The following MECOM variants were observed in gnomAD, a reference collection of about 807,000 sequenced individuals.
MECOM encodes histone-lysine N-methyltransferase MECOM.
MECOM carries 13 observed loss-of-function variants against 116.3 expected under a neutral mutation model. The observed-to-expected ratio is 0.11, with a 90% CI of 0.07 to 0.18. The LOEUF is 0.18. Among genes scored for constraint, MECOM ranks in the 10% least tolerant of loss-of-function variants. The pLI, the probability that MECOM is intolerant of heterozygous loss-of-function variation, is 1.00. For missense variants in MECOM, 1,299 were observed against 1,509.0 expected (o/e 0.86, Z 2.31); for synonymous variants, 528 against 535.2 (o/e 0.99, Z 0.19).
intron 1 of MECOM, among the ~76,000 whole-genome samples, chr3:169,395,905 A>G (rs1425836973): frequency 6.6e-6 from 1 of 152,216 alleles, no homozygotes; most frequent in Non-Finnish European, 1.5e-5. Flanking sequence ...TCTGGTACAT[A>G]GCAAAGGTTC....
chr3:169,448,580 A>G (rs116858151), intron 1 of MECOM, among the ~76,000 whole-genome samples: 1 of 152,290 alleles, frequency 6.6e-6, no homozygotes, highest in East Asian at 1.9e-4. Flanking sequence ...ATTATCTTTA[A>G]TCAAATATTT....
At chr3:169,155,547 G>A (rs1741831824) in intron 2 of MECOM, among the ~76,000 whole-genome samples, 1 of 151,970 alleles carries the variant, frequency 6.6e-6, no homozygotes, top group Non-Finnish European at 1.5e-5. Context: ...AAATAACAAA[G>A]TTATAACAAT....
chr3:169,573,689 C>A (rs1218250751), intron 1 of MECOM, among the ~76,000 whole-genome samples: 1 of 151,978 alleles, frequency 6.6e-6, no homozygotes, highest in Non-Finnish European at 1.5e-5. Flanking sequence ...TTTTTTTTAA[C>A]TTTCAAGAAG....
chr3:169,535,245 A>G (rs1049644570), intron 1 of MECOM, among the ~76,000 whole-genome samples: 3 of 152,208 alleles, frequency 2.0e-5, no homozygotes, highest in African/African-American at 7.2e-5. Context: ...ATATGTGAAT[A>G]TTCTATTCCA....
At chr3:169,122,546 T>TA (rs1731380996) in intron 6 of MECOM, 34 bp downstream of exon 6, 1 of 1,612,766 alleles carries the variant, frequency 6.2e-7, no homozygotes, top group African/African-American at 1.3e-5. Context: ...CAGGATGACA[T>TA]AGAGAGGCCA....
At chr3:169,561,090 A>T (rs1019919583) in intron 1 of MECOM, among the ~76,000 whole-genome samples, 31 of 151,938 alleles carry the variant, frequency 2.0e-4, no homozygotes, top group African/African-American at 7.2e-4. Context: ...AATCAGAAAA[A>T]TTTTAATTAA....
At chr3:169,137,808 G>A (rs1026351564) in intron 3 of MECOM, among the ~76,000 whole-genome samples, 3 of 152,032 alleles carry the variant, frequency 2.0e-5, no homozygotes, top group Non-Finnish European at 2.9e-5. Context: ...GTTCTAGTTT[G>A]CATAAATACG....
chr3:169,384,860 T>C (rs1733041433), intron 1 of MECOM, among the ~76,000 whole-genome samples: 1 of 152,074 alleles, frequency 6.6e-6, no homozygotes, highest in Non-Finnish European at 1.5e-5. Flanking sequence ...CCTAGCACTT[T>C]GGGAGGCTGA....
At chr3:169,091,572 T>TAG (rs1719731438) in intron 14 of MECOM, among the ~76,000 whole-genome samples, 1 of 152,132 alleles carries the variant, frequency 6.6e-6, no homozygotes, top group Non-Finnish European at 1.5e-5. Flanking sequence ...TGCTTGTTCT[T>TAG]GCTACTTTGT....
At chr3:169,493,733 A>C (rs1416250062) in intron 1 of MECOM, among the ~76,000 whole-genome samples, 1 of 152,164 alleles carries the variant, frequency 6.6e-6, no homozygotes, top group Non-Finnish European at 1.5e-5. Context: ...TGAATAGGGA[A>C]ATGAGAGAGC....
intron 6 of MECOM, among the ~76,000 whole-genome samples, chr3:169,121,908 G>A (rs1306061248): frequency 1.3e-5 from 2 of 150,248 alleles, no homozygotes; most frequent in African/African-American, 4.9e-5. Context: ...AAAAAAAAAA[G>A]CTATTAAAAT....
intron 1 of MECOM, among the ~76,000 whole-genome samples, chr3:169,538,097 G>T (rs1759607080): frequency 6.6e-6 from 1 of 152,160 alleles, no homozygotes; most frequent in Non-Finnish European, 1.5e-5. Context: ...CACCCCAGTT[G>T]ATTCTAATGT....
intron 1 of MECOM, among the ~76,000 whole-genome samples, chr3:169,538,836 G>C (rs938016161): frequency 3.3e-5 from 5 of 152,120 alleles, no homozygotes; most frequent in African/African-American, 9.7e-5. Flanking sequence ...CCCACCAAAA[G>C]AGCCCTATTC....
chr3:169,591,453 G>A (rs1001890048), intron 1 of MECOM, among the ~76,000 whole-genome samples: 7 of 152,230 alleles, frequency 4.6e-5, no homozygotes, highest in East Asian at 3.9e-4. Flanking sequence ...GCACCAAGCC[G>A]AGAGAGAAAG....
At chr3:169,134,263 T>C (rs1735693685) in intron 3 of MECOM, among the ~76,000 whole-genome samples, 1 of 152,192 alleles carries the variant, frequency 6.6e-6, no homozygotes, top group Admixed American at 6.5e-5. Context: ...ATAAAGACAA[T>C]TCTCTTTGCC....
chr3:169,248,967 T>G (rs748474324), intron 2 of MECOM, among the ~76,000 whole-genome samples: 9 of 152,270 alleles, frequency 5.9e-5, no homozygotes, highest in Non-Finnish European at 1.3e-4. Context: ...CCTAGTAAAC[T>G]ATTACAAGTA....
At chr3:169,133,110 T>C (rs1358661082) in intron 3 of MECOM, among the ~76,000 whole-genome samples, 2 of 147,380 alleles carry the variant, frequency 1.4e-5, no homozygotes, top group African/African-American at 4.9e-5. Context: ...GCAAAACACA[T>C]ACACACACAC....
chr3:169,382,171 G>A lies in MECOM; in HGVS notation c.38-647C>T, dbSNP rs570255793. Among the ~76,000 whole-genome samples, 6 of 152,220 alleles carry A rather than the reference G, an allele frequency of 3.9e-5. No homozygotes were observed. In the East Asian group the frequency reaches 1.2e-3, roughly 29 times the overall value. ...AAGCCAGTGATGCCTCTGGGTATTC[G>A]TAAACGCTAAAATCGTTAAAGAAAT... On this transcript the variant is annotated intron_variant, in intron 1 of 16. Transcript: ENST00000651503.
chr3:169,405,261 C>G (rs1257274699), intron 1 of MECOM, among the ~76,000 whole-genome samples: 1 of 152,004 alleles, frequency 6.6e-6, no homozygotes. Context: ...CTCTCTCTCT[C>G]TCATTAGATC....
Sources: allele counts gnomAD v4.1 joint callset (sites outside exome capture counted in the v4.1 genomes callset), GRCh38; gene constraint gnomAD v4.1.1; transcripts MANE v1.5; gene names NCBI Gene and HGNC (gene_info 2026-07-23, HGNC 2026-07-21).